The following DDX10 variants were observed in gnomAD, a reference collection of about 807,000 sequenced individuals.
DDX10 encodes DEAD-box helicase 10, also known as probable ATP-dependent RNA helicase DDX10.
Under a neutral mutation model 104.3 loss-of-function variants are expected in DDX10, and 74 were observed. The ratio of observed to expected loss-of-function variants is 0.71; its 90% confidence interval spans 0.59 to 0.86. DDX10 has a LOEUF of 0.86. Ranked by LOEUF, DDX10 falls within the 40% of genes least tolerant of loss-of-function variation. DDX10 has a pLI of 0.00. For missense variants in DDX10, 952 were observed against 1,040.0 expected (o/e 0.92, Z 1.16); for synonymous variants, 351 against 353.4 (o/e 0.99, Z 0.08).
chr11:108,777,515 G>A (rs939127200), intron 13 of DDX10, among the ~76,000 whole-genome samples: 3 of 152,090 alleles, frequency 2.0e-5, no homozygotes, highest in African/African-American at 7.2e-5. Flanking sequence ...TAGAGAAGGG[G>A]TTTCACCATG....
intron 13 of DDX10, among the ~76,000 whole-genome samples, chr11:108,755,434 T>C (rs1469526191): frequency 1.3e-5 from 2 of 152,034 alleles, no homozygotes; most frequent in African/African-American, 4.8e-5. Context: ...TTGCCTGTGT[T>C]GTAAATAAAG....
intron 10 of DDX10, among the ~76,000 whole-genome samples, chr11:108,708,274 A>G (rs376434829): frequency 2.0e-5 from 3 of 147,718 alleles, no homozygotes; most frequent in African/African-American, 7.4e-5. Context: ...TTTTTTTTTT[A>G]AAATCTGATG....
intron 16 of DDX10, among the ~76,000 whole-genome samples, chr11:108,873,202 A>G (rs1863105693): frequency 6.6e-6 from 1 of 152,150 alleles, no homozygotes; most frequent in South Asian, 2.1e-4. Context: ...AGAGTAAAAA[A>G]TTGAGTCATG....
intron 15 of DDX10, among the ~76,000 whole-genome samples, chr11:108,842,123 T>A (rs988322097): frequency 1.3e-5 from 2 of 152,330 alleles, no homozygotes; most frequent in African/African-American, 4.8e-5. Flanking sequence ...AAAATAAGCA[T>A]GTGCCCTTGT....
At chr11:108,718,466 C>CT (rs1280668649) in intron 11 of DDX10, among the ~76,000 whole-genome samples, 4 of 151,992 alleles carry the variant, frequency 2.6e-5, no homozygotes, top group African/African-American at 9.7e-5. Context: ...CAGTTGAAAC[C>CT]TAGGAGCTTT....
At chr11:108,737,045 C>T (rs1464745338) in intron 13 of DDX10, among the ~76,000 whole-genome samples, 1 of 152,096 alleles carries the variant, frequency 6.6e-6, no homozygotes, top group Non-Finnish European at 1.5e-5. Flanking sequence ...TTCTCTGCAG[C>T]ATCTTTCACA....
intron 10 of DDX10, among the ~76,000 whole-genome samples, chr11:108,713,469 T>C (rs2094287192): frequency 6.6e-6 from 1 of 152,110 alleles, no homozygotes; most frequent in South Asian, 2.1e-4. Flanking sequence ...ATTAGTAATA[T>C]GTGTTACAGT....
At chr11:108,816,886 C>T (rs969359386) in intron 13 of DDX10, among the ~76,000 whole-genome samples, 3 of 152,150 alleles carry the variant, frequency 2.0e-5, no homozygotes, top group African/African-American at 4.8e-5. Flanking sequence ...TTTTCTTTTT[C>T]ACTTTCCTTG....
chr11:108,926,965 C>A (rs1343694085), intron 17 of DDX10, among the ~76,000 whole-genome samples: 1 of 152,182 alleles, frequency 6.6e-6, no homozygotes, highest in Admixed American at 6.5e-5. Context: ...AAACTGGGCT[C>A]TCAGGCGCTA....
chr11:108,751,257 A>T (rs1228497344), intron 13 of DDX10, among the ~76,000 whole-genome samples: 1 of 152,070 alleles, frequency 6.6e-6, no homozygotes, highest in Non-Finnish European at 1.5e-5. Context: ...AACCTATCAC[A>T]GGCCATGTAC....
intron 13 of DDX10, among the ~76,000 whole-genome samples, chr11:108,787,536 TA>T (rs112646437): frequency 1.3e-5 from 2 of 152,008 alleles, no homozygotes; most frequent in Admixed American, 6.6e-5. Flanking sequence ...GTGTTTTTTT[TA>T]ATTTTTAATT....
intron 13 of DDX10, among the ~76,000 whole-genome samples, chr11:108,767,087 A>G (rs71489919): frequency 0.14 from 21,007 of 152,192 alleles, 1,584 homozygotes; most frequent in East Asian, 0.25. Context: ...AAGCAGTAGT[A>G]GGCACTAAGT....
intron 16 of DDX10, among the ~76,000 whole-genome samples, chr11:108,867,495 G>C (rs2030200380): frequency 6.6e-6 from 1 of 152,104 alleles, no homozygotes; most frequent in African/African-American, 2.4e-5. Context: ...ACACTGTTTT[G>C]AAAATTAGCT....
intron 9 of DDX10, 62 bp downstream of exon 9, chr11:108,693,662 C>A: frequency 1.6e-6 from 2 of 1,288,962 alleles, no homozygotes; most frequent in Non-Finnish European, 2.3e-6. Flanking sequence ...CATGCTTTTC[C>A]AACTGCAGAT....
chr11:108,701,808 T>C (rs2134457381), intron 9 of DDX10, among the ~76,000 whole-genome samples: 2 of 148,734 alleles, frequency 1.3e-5, no homozygotes, highest in South Asian at 4.5e-4. Context: ...TGTCTCAGCC[T>C]CCTGAGTAGT....
At chr11:108,730,012 A>G (rs575504999) in intron 13 of DDX10, 2 of 153,872 alleles carry the variant, frequency 1.3e-5, no homozygotes, top group South Asian at 4.1e-4. Context: ...CATTAGTTCT[A>G]ATGGATCAAT....
chr11:108,678,521 A>G, intron 5 of DDX10, 86 bp downstream of exon 5: 1 of 1,280,722 alleles, frequency 7.8e-7, no homozygotes, highest in Middle Eastern at 2.1e-4. Flanking sequence ...TAGAAATTTT[A>G]TGTTAGATAA....
At chr11:108,864,826 T>C (rs1053244638) in intron 16 of DDX10, among the ~76,000 whole-genome samples, 4 of 152,138 alleles carry the variant, frequency 2.6e-5, no homozygotes, top group Admixed American at 1.3e-4. Context: ...TACACCCCCA[T>C]GGCAGAATGT....
In DDX10 at chr11:108,828,589, G is replaced by A. The variant is rs372825857; in HGVS notation, c.1966-9857G>A. ...CGAAAAAAATATTTTTCATTTTTCA[G>A]ATCTGAAACTCTATACCTGTTAGGT... On this transcript the variant is annotated intron_variant, in intron 13 of 17. Transcript: ENST00000322536. 3.4e-4 allele frequency among the ~76,000 whole-genome samples: 51 copies of A among 151,560 alleles called. No homozygotes were observed. In the South Asian group the frequency reaches 9.6e-3, roughly 29 times the overall value.
Sources: gnomAD v4.1 joint callset for allele counts (sites outside exome capture counted in the v4.1 genomes callset) on GRCh38, gnomAD v4.1.1 for gene constraint, MANE v1.5 for transcripts, NCBI Gene and HGNC (gene_info 2026-07-23, HGNC 2026-07-21) for gene names.